CACNA2D1: variants seen among roughly 807,000 people sequenced by gnomAD.
CACNA2D1 encodes the protein calcium voltage-gated channel auxiliary subunit alpha2delta 1.
CACNA2D1 carries 53 observed loss-of-function variants against 171.5 expected under a neutral mutation model. The ratio of observed to expected loss-of-function variants is 0.31; its 90% confidence interval spans 0.25 to 0.39. The LOEUF is 0.39. CACNA2D1 is among the 10% of genes least tolerant of loss of function. CACNA2D1 has a pLI of 1.00. For synonymous variants in CACNA2D1, 442 were observed against 443.1 expected (o/e 1.00, Z 0.03); for missense variants, 903 against 1,299.8 (o/e 0.69, Z 4.69).
intron 4 of CACNA2D1, among the ~76,000 whole-genome samples, chr7:82,137,013 G>A: frequency 6.6e-6 from 1 of 152,146 alleles, no homozygotes; most frequent in Non-Finnish European, 1.5e-5. Context: ...GATAATTCAA[G>A]AAGCATGTAA....
intron 7 of CACNA2D1, among the ~76,000 whole-genome samples, chr7:82,077,106 T>C (rs1295534922): frequency 1.3e-5 from 2 of 152,228 alleles, no homozygotes; most frequent in Non-Finnish European, 2.9e-5. Context: ...TTAATTTAGA[T>C]GTATAAGTTG....
At chr7:82,032,071 C>T (rs910592208) in intron 12 of CACNA2D1, among the ~76,000 whole-genome samples, 1 of 151,872 alleles carries the variant, frequency 6.6e-6, no homozygotes, top group Middle Eastern at 3.2e-3. Flanking sequence ...TTGAAATAAG[C>T]TGATAATAGG....
At chr7:82,064,202 C>A in intron 9 of CACNA2D1, 102 bp downstream of exon 9, 1 of 716,584 alleles carries the variant, frequency 1.4e-6, no homozygotes, top group Admixed American at 2.4e-5. Context: ...TTCTTTGTTT[C>A]TTTTTTAACC....
chr7:82,222,499 G>T (rs978565081), intron 3 of CACNA2D1, among the ~76,000 whole-genome samples: 4 of 152,144 alleles, frequency 2.6e-5, no homozygotes, highest in African/African-American at 9.7e-5. Flanking sequence ...AAGACCAAGA[G>T]TATTGGGAGC....
chr7:82,042,108 A>T (rs2131240821), intron 10 of CACNA2D1, among the ~76,000 whole-genome samples: 1 of 152,308 alleles, frequency 6.6e-6, no homozygotes, highest in Middle Eastern at 3.4e-3. Context: ...AGTAAAACTC[A>T]CAAATAATGT....
intron 3 of CACNA2D1, among the ~76,000 whole-genome samples, chr7:82,255,302 G>A (rs987551970): frequency 5.9e-5 from 9 of 152,024 alleles, no homozygotes; most frequent in African/African-American, 2.2e-4. Flanking sequence ...TTTTCCCAAT[G>A]TGAGTGCATC....
At chr7:82,320,717 T>C (rs1254308386) in intron 3 of CACNA2D1, among the ~76,000 whole-genome samples, 1 of 151,704 alleles carries the variant, frequency 6.6e-6, no homozygotes, top group Non-Finnish European at 1.5e-5. Flanking sequence ...CTGACTCCCA[T>C]ATGCTGTTAG....
chr7:81,980,902 T>A (rs993715781), intron 24 of CACNA2D1, among the ~76,000 whole-genome samples: 1 of 152,126 alleles, frequency 6.6e-6, no homozygotes, highest in African/African-American at 2.4e-5. Context: ...TGAGGCAACA[T>A]AGGTAGAACT....
chr7:82,411,833 C>T (rs1827702197), intron 1 of CACNA2D1, among the ~76,000 whole-genome samples: 1 of 151,790 alleles, frequency 6.6e-6, no homozygotes, highest in Non-Finnish European at 1.5e-5. Context: ...AAAAAATTCA[C>T]AGCAATTCAG....
At chr7:82,338,168 A>G (rs1818219045) in intron 2 of CACNA2D1, among the ~76,000 whole-genome samples, 1 of 152,284 alleles carries the variant, frequency 6.6e-6, no homozygotes, top group East Asian at 1.9e-4. Context: ...AAATAACTTC[A>G]AATTTAATAT....
At chr7:82,068,641 A>G (rs1361705680) in intron 7 of CACNA2D1, among the ~76,000 whole-genome samples, 2 of 152,034 alleles carry the variant, frequency 1.3e-5, no homozygotes, top group African/African-American at 4.8e-5. Flanking sequence ...TTCTGATTGA[A>G]CCCAGACTGA....
intron 10 of CACNA2D1, 138 bp from the exon 11 acceptor site, chr7:82,038,373 A>C (rs1803559148): frequency 1.4e-6 from 1 of 732,262 alleles, no homozygotes; most frequent in Non-Finnish European, 2.2e-6. Context: ...GGCTGGTGAC[A>C]AAGGTGCATT....
intron 3 of CACNA2D1, among the ~76,000 whole-genome samples, chr7:82,200,724 C>T (rs1799330726): frequency 1.3e-5 from 2 of 152,090 alleles, no homozygotes; most frequent in Admixed American, 6.6e-5. Context: ...CTGGACAGAA[C>T]TCAGGCCTAA....
At chr7:82,309,973 A>G (rs1814227252) in intron 3 of CACNA2D1, among the ~76,000 whole-genome samples, 1 of 152,180 alleles carries the variant, frequency 6.6e-6, no homozygotes, top group Non-Finnish European at 1.5e-5. Context: ...ATAGTCATAA[A>G]AATGTCTGTA....
chr7:82,125,929 T>TAC (rs1226034327), intron 5 of CACNA2D1, among the ~76,000 whole-genome samples: 1 of 152,198 alleles, frequency 6.6e-6, no homozygotes, highest in African/African-American at 2.4e-5. Flanking sequence ...CACATTCAGA[T>TAC]ACACAAACAC....
At chr7:82,068,497 T>C (rs1807932797) in intron 7 of CACNA2D1, among the ~76,000 whole-genome samples, 2 of 152,008 alleles carry the variant, frequency 1.3e-5, no homozygotes, top group South Asian at 4.2e-4. Flanking sequence ...TATATAATAT[T>C]ATATCGGATA....
intron 3 of CACNA2D1, among the ~76,000 whole-genome samples, chr7:82,240,105 G>A (rs778751251): frequency 7.2e-5 from 11 of 152,080 alleles, no homozygotes; most frequent in Non-Finnish European, 1.5e-4. Flanking sequence ...TCACTTTAGG[G>A]CATCTATGGA....
chr7:82,046,170 CT>C (rs566659320), intron 10 of CACNA2D1, among the ~76,000 whole-genome samples: 155 of 152,276 alleles, frequency 1.0e-3, no homozygotes, highest in African/African-American at 3.5e-3. Context: ...CTCTCACACT[CT>C]TTTCTCTATC....
intron 15 of CACNA2D1, among the ~76,000 whole-genome samples, chr7:82,008,824 T>C (rs1462256847): frequency 6.6e-6 from 1 of 152,050 alleles, no homozygotes; most frequent in African/African-American, 2.4e-5. Flanking sequence ...TGGTATCAGG[T>C]TGTGGTTCAT....
Sources: allele counts gnomAD v4.1 joint callset (sites outside exome capture counted in the v4.1 genomes callset), GRCh38; gene constraint gnomAD v4.1.1; transcripts MANE v1.5; gene names NCBI Gene and HGNC (gene_info 2026-07-23, HGNC 2026-07-21).